LIPI: variants seen among roughly 807,000 people sequenced by gnomAD.
LIPI encodes lipase member I.
In LIPI, 59 loss-of-function variants were observed where a neutral mutation model predicts 50.6. That is an observed-to-expected ratio of 1.16 (90% CI 0.94 to 1.45). The LOEUF (loss-of-function observed/expected upper bound fraction) is 1.45, where lower values mean the gene tolerates loss of function less well. Among genes scored for constraint, LIPI ranks in the 40% most tolerant of loss-of-function variants. The pLI is 0.00. For synonymous variants in LIPI, 203 were observed against 178.2 expected (o/e 1.14, Z -1.11); for missense variants, 586 against 536.3 (o/e 1.09, Z -0.92).
intron 2 of LIPI, among the ~76,000 whole-genome samples, chr21:14,186,937 T>C (rs73346086): frequency 6.6e-6 from 1 of 152,172 alleles, no homozygotes; most frequent in African/African-American, 2.4e-5. Flanking sequence ...ATAAGCTACC[T>C]AGCCTATGGT....
chr21:14,198,374 C>T (rs1192562271), intron 1 of LIPI, among the ~76,000 whole-genome samples: 2 of 152,060 alleles, frequency 1.3e-5, no homozygotes, highest in Non-Finnish European at 2.9e-5. Context: ...TCAAAAGACC[C>T]ATCTCACATG....
At chr21:14,169,947 C>A (rs1449205131) in intron 4 of LIPI, among the ~76,000 whole-genome samples, 1 of 151,726 alleles carries the variant, frequency 6.6e-6, no homozygotes, top group Non-Finnish European at 1.5e-5. Flanking sequence ...AAAGGATCAA[C>A]AAAATTGATA....
At chr21:14,110,193 A>G (rs946735329) in intron 9 of LIPI, among the ~76,000 whole-genome samples, 6 of 151,772 alleles carry the variant, frequency 4.0e-5, no homozygotes, top group Non-Finnish European at 5.9e-5. Flanking sequence ...TTTAATCCAT[A>G]TATATTATAC....
intron 1 of LIPI, among the ~76,000 whole-genome samples, chr21:14,197,476 T>G (rs1345688622): frequency 6.6e-6 from 1 of 151,934 alleles, no homozygotes; most frequent in East Asian, 1.9e-4. Context: ...CATAATGCAA[T>G]CACAGGCATT....
intron 9 of LIPI, among the ~76,000 whole-genome samples, chr21:14,142,406 C>T (rs989611420): frequency 6.6e-6 from 1 of 150,584 alleles, no homozygotes; most frequent in Admixed American, 6.7e-5. Context: ...CATATTAGGT[C>T]AATGGCTTAA....
intron 2 of LIPI, 143 bp from the exon 3 acceptor site, chr21:14,186,212 T>C (rs1477484244): frequency 1.6e-6 from 1 of 627,680 alleles, no homozygotes; most frequent in East Asian, 2.7e-5. Context: ...ACTTTATAAT[T>C]TCAAGATGAC....
intron 9 of LIPI, among the ~76,000 whole-genome samples, chr21:14,116,939 T>C (rs1356277607): frequency 6.6e-6 from 1 of 152,138 alleles, no homozygotes; most frequent in Non-Finnish European, 1.5e-5. Context: ...TTCTAATTTA[T>C]CCATCTCTGG....
intron 4 of LIPI, among the ~76,000 whole-genome samples, chr21:14,173,094 T>C (rs2018977134): frequency 1.3e-5 from 2 of 152,192 alleles, no homozygotes; most frequent in Middle Eastern, 3.4e-3. Flanking sequence ...CTTGAAGAAG[T>C]TGGAGTGGAG....
chr21:14,156,942 G>A lies in LIPI; in HGVS notation c.1007-4258C>T, dbSNP rs561356186. ...TCTTGCCGTCATTGAGGACTCAAAC[G>A]GAAATTAGAAATATATTATTGGAAA... On this transcript the variant is annotated intron_variant, in intron 7 of 9. Transcript: ENST00000681601. 7.2e-5 allele frequency among the ~76,000 whole-genome samples: 11 copies of A among 151,910 alleles called. No individual in the cohort carries two copies. The South Asian group carries it at 1.7e-3, about 23-fold the overall frequency.
chr21:14,143,608 T>C (rs981098872), intron 9 of LIPI: 2 of 152,026 alleles, frequency 1.3e-5, no homozygotes, highest in Admixed American at 6.6e-5. Context: ...AGCACCACAG[T>C]CAACTAAAAA....
chr21:14,113,909 C>T lies in LIPI; in HGVS notation c.1296-4829G>A, dbSNP rs140923481. On this transcript the variant is annotated intron_variant, in intron 9 of 9. Transcript: ENST00000681601. Reference sequence around the variant, plus strand: ...CCTTAAAAAACTTTCAGATCTTGGCCGGGCTCAGTGGCTCACACCTGTAAT... The same window carrying T: ...CCTTAAAAAACTTTCAGATCTTGGCTGGGCTCAGTGGCTCACACCTGTAAT... 7.5e-3 allele frequency among the ~76,000 whole-genome samples: 1,138 copies of T among 152,244 alleles called. 15 individuals are homozygous for T. Among genetic ancestry groups the T allele is most frequent in the African/African-American group, 0.025 (1,048 of 41,528 alleles).
chr21:14,120,309 G>A (rs1186044406), intron 9 of LIPI, among the ~76,000 whole-genome samples: 2 of 152,170 alleles, frequency 1.3e-5, no homozygotes, highest in African/African-American at 4.8e-5. Flanking sequence ...CAGCACAGAA[G>A]GCAGAATAGC....
chr21:14,197,853 G>A (rs1478361599), intron 1 of LIPI, among the ~76,000 whole-genome samples: 1 of 136,092 alleles, frequency 7.3e-6, no homozygotes, highest in East Asian at 3.5e-4. Context: ...AAAAAAAAAT[G>A]TTAAAGGCAG....
intron 1 of LIPI, among the ~76,000 whole-genome samples, chr21:14,198,448 G>GA (rs1362955166): frequency 2.7e-5 from 4 of 150,716 alleles, no homozygotes; most frequent in African/African-American, 7.3e-5. Context: ...ACATAAAACA[G>GA]AAAAAAAATA....
At chr21:14,144,495 G>C (rs746074058) in intron 9 of LIPI, 128 bp downstream of exon 9, 1 of 510,620 alleles carries the variant, frequency 2.0e-6, no homozygotes, top group Non-Finnish European at 3.5e-6. Context: ...TAATATTTAT[G>C]TAAAATATAG....
At chr21:14,161,645 CATTATTATATATTAATGTATAATAT>C (rs1568858365) in intron 7 of LIPI, among the ~76,000 whole-genome samples, 3 of 99,648 alleles carry the variant, frequency 3.0e-5, no homozygotes, top group Non-Finnish European at 5.4e-5. Flanking sequence ...ATAATATATA[CATTATTATATATTAATGTATAATAT>C]ATACATTATT....
chr21:14,181,739 A>G lies in LIPI; in HGVS notation c.643+19T>C. 6.8e-7 allele frequency: 1 copy of G among 1,474,662 alleles called. No individual in the cohort carries two copies. The highest frequency in any genetic ancestry group is 9.5e-7 in the Non-Finnish European group (1 of 1,054,148). 91.3% of individuals were successfully genotyped at this position (1,474,662 alleles called of 1,614,324 possible). On this transcript the variant is annotated intron_variant, in intron 4 of 9. Coordinates refer to ENST00000681601, the MANE Select transcript of LIPI (RefSeq NM_001302998.2). ...CTTTTCATTTTCAAATAATTAGGTA[A>G]TAAATCCTGATTTGTTACCATTGGA...
intron 9 of LIPI, among the ~76,000 whole-genome samples, chr21:14,134,717 G>A (rs1452891364): frequency 2.0e-5 from 3 of 152,050 alleles, no homozygotes; most frequent in Non-Finnish European, 4.4e-5. Flanking sequence ...ATAAATAGTA[G>A]TAGGAAAATT....
chr21:14,192,396 T>C (rs1284275494), intron 1 of LIPI, among the ~76,000 whole-genome samples: 1 of 151,968 alleles, frequency 6.6e-6, no homozygotes, highest in Non-Finnish European at 1.5e-5. Flanking sequence ...ACCTGGGAGG[T>C]GGAGGCTGCA....
Sources: allele counts gnomAD v4.1 joint callset (sites outside exome capture counted in the v4.1 genomes callset), GRCh38; gene constraint gnomAD v4.1.1; transcripts MANE v1.5; gene names NCBI Gene and HGNC (gene_info 2026-07-23, HGNC 2026-07-21).